Variants in DHRS7B observed in about 807,000 individuals in gnomAD.
DHRS7B encodes the protein dehydrogenase/reductase 7B.
In DHRS7B, 24 loss-of-function variants were observed where a neutral mutation model predicts 26.4. The observed-to-expected ratio is 0.91, with a 90% confidence interval of 0.66 to 1.28. DHRS7B has a LOEUF of 1.28. Ranked by LOEUF, DHRS7B falls within the 50% of genes most tolerant of loss-of-function variation. The pLI is 0.00. For synonymous variants in DHRS7B, 142 were observed against 166.4 expected (o/e 0.85, Z 1.13); for missense variants, 368 against 419.4 (o/e 0.88, Z 1.07).
intron 1 of DHRS7B, among the ~76,000 whole-genome samples, chr17:21,138,839 C>G (rs1261672150): frequency 6.6e-6 from 1 of 151,836 alleles, no homozygotes; most frequent in Non-Finnish European, 1.5e-5. Context: ...TAATTAAATA[C>G]CTATTATTTA....
At chr17:21,137,016 G>C (rs1485371865) in intron 1 of DHRS7B, among the ~76,000 whole-genome samples, 1 of 149,904 alleles carries the variant, frequency 6.7e-6, no homozygotes, top group Non-Finnish European at 1.5e-5. Context: ...TGTCACCCAG[G>C]CTGGAGTGCG....
chr17:21,152,552 T>C (rs1200636041), intron 1 of DHRS7B, among the ~76,000 whole-genome samples: 1 of 152,166 alleles, frequency 6.6e-6, no homozygotes, highest in Admixed American at 6.5e-5. Context: ...TTTCCGTAAG[T>C]TTTACCTCCA....
chr17:21,146,845 C>T (rs16962283), intron 1 of DHRS7B, among the ~76,000 whole-genome samples: 4,145 of 152,238 alleles, frequency 0.027, 177 homozygotes, highest in African/African-American at 0.092. Flanking sequence ...AGTGAGGAAA[C>T]GTTAATTCTT....
chr17:21,140,098 C>G (rs971588357), intron 1 of DHRS7B, among the ~76,000 whole-genome samples: 1 of 135,802 alleles, frequency 7.4e-6, no homozygotes, highest in African/African-American at 2.8e-5. Context: ...GATCTCTGCT[C>G]ACTGCAAGCT....
intron 1 of DHRS7B, among the ~76,000 whole-genome samples, chr17:21,145,250 G>T (rs374146369): frequency 6.6e-6 from 1 of 152,028 alleles, no homozygotes; most frequent in Admixed American, 6.6e-5. Flanking sequence ...CATGAACCCC[G>T]GAGGTGGAGC....
chr17:21,150,094 C>T (rs1973729318), intron 1 of DHRS7B, among the ~76,000 whole-genome samples: 1 of 117,604 alleles, frequency 8.5e-6, no homozygotes, highest in Admixed American at 9.7e-5. Context: ...TAACAAGGCT[C>T]CATCTCTATT....
At chr17:21,172,860 C>A (rs1974291829) in intron 2 of DHRS7B, among the ~76,000 whole-genome samples, 1 of 152,226 alleles carries the variant, frequency 6.6e-6, no homozygotes, top group Non-Finnish European at 1.5e-5. Flanking sequence ...CCTGGGTTCC[C>A]CCTTCTCCCA....
At chr17:21,186,876 A>G (rs1974646404) in intron 5 of DHRS7B, among the ~76,000 whole-genome samples, 1 of 152,104 alleles carries the variant, frequency 6.6e-6, no homozygotes, top group African/African-American at 2.4e-5. Context: ...CATTTGTCAA[A>G]ATGAGACATA....
intron 1 of DHRS7B, chr17:21,168,614 C>T: frequency 1.7e-6 from 1 of 581,156 alleles, no homozygotes; most frequent in South Asian, 7.5e-5. Flanking sequence ...AGCGATCCCC[C>T]TACCTCAGCC....
chr17:21,140,538 A>ACCCC (rs769509461), intron 1 of DHRS7B, among the ~76,000 whole-genome samples: 8 of 134,852 alleles, frequency 5.9e-5, no homozygotes, highest in Middle Eastern at 4.0e-3. Flanking sequence ...ACACACACAC[A>ACCCC]CCCTGACACC....
chr17:21,129,704 C>CAAAAAA lies in DHRS7B; in HGVS notation c.20+2728_20+2733dup, dbSNP rs61077377. ...TGGGCAGCAGAGTAAGACCCTGACT[C>CAAAAAA]AAAAAAAAAAAAAAAAAAAAGAAAA... On this transcript the variant is annotated intron_variant, in intron 1 of 6. Coordinates refer to ENST00000395511, the MANE Select transcript of DHRS7B (RefSeq NM_015510.5). Among the ~76,000 whole-genome samples the CAAAAAA allele has an allele frequency of 2.8e-3, 205 of 73,256 alleles. 1 individual carries two copies. The highest frequency in any genetic ancestry group is 9.3e-3 in the Middle Eastern group (1 of 108). 48.1% of individuals were successfully genotyped at this position (73,256 alleles called of 152,430 possible).
At chr17:21,154,784 T>C (rs1161914139) in intron 1 of DHRS7B, among the ~76,000 whole-genome samples, 1 of 152,226 alleles carries the variant, frequency 6.6e-6, no homozygotes, top group Non-Finnish European at 1.5e-5. Context: ...TATGTATTTT[T>C]AGTTATAAGT....
chr17:21,142,221 A>G (rs956687562), intron 1 of DHRS7B, among the ~76,000 whole-genome samples: 2 of 152,208 alleles, frequency 1.3e-5, no homozygotes, highest in Non-Finnish European at 2.9e-5. Context: ...GCCAGAGGGT[A>G]CGTGACAGGG....
chr17:21,133,456 A>AATG (rs1304819684), intron 1 of DHRS7B, among the ~76,000 whole-genome samples: 4 of 152,230 alleles, frequency 2.6e-5, no homozygotes, highest in African/African-American at 9.6e-5. Flanking sequence ...TAGGTGAGAG[A>AATG]CAAATGGTTG....
chr17:21,191,182 G>A lies in DHRS7B; in HGVS notation c.*29G>A. The A allele has an allele frequency of 1.9e-6, 3 of 1,608,088 alleles. No individual in the cohort carries two copies. The highest frequency in any genetic ancestry group is 2.6e-6 in the Non-Finnish European group (3 of 1,176,072). ...TCTGACCAGCCAGGGCCAGGGCAGA[G>A]AAGCAGCACTCTTAGGCTTGCTTAC... On this transcript the variant is annotated 3_prime_UTR_variant, in exon 7 of 7. Transcript: ENST00000395511.
At chr17:21,164,046 T>TTTTTTTTTTTTTTTTTG (rs1974057627) in intron 1 of DHRS7B, among the ~76,000 whole-genome samples, 3 of 147,642 alleles carry the variant, frequency 2.0e-5, no homozygotes, top group East Asian at 2.0e-4. Context: ...TTTTTTTTTT[T>TTTTTTTTTTTTTTTTTG]GAGACAGGGT....
intron 5 of DHRS7B, among the ~76,000 whole-genome samples, chr17:21,187,031 C>G (rs1443910795): frequency 6.6e-6 from 1 of 150,542 alleles, no homozygotes; most frequent in Non-Finnish European, 1.5e-5. Context: ...CAACCTGCCA[C>G]CAGGTGAAGA....
At chr17:21,145,538 C>A (rs538093539) in intron 1 of DHRS7B, among the ~76,000 whole-genome samples, 3 of 152,294 alleles carry the variant, frequency 2.0e-5, no homozygotes, top group Middle Eastern at 3.4e-3. Flanking sequence ...AAGGTCACTT[C>A]ATTTTCCATT....
intron 2 of DHRS7B, among the ~76,000 whole-genome samples, chr17:21,174,076 C>G (rs912696992): frequency 1.3e-5 from 2 of 152,174 alleles, no homozygotes; most frequent in Non-Finnish European, 1.5e-5. Context: ...GAACAAGAGT[C>G]CCTCCATCCA....
Sources: gnomAD v4.1 joint callset for allele counts (sites outside exome capture counted in the v4.1 genomes callset) on GRCh38, gnomAD v4.1.1 for gene constraint, MANE v1.5 for transcripts, NCBI Gene and HGNC (gene_info 2026-07-23, HGNC 2026-07-21) for gene names.